CDH4: variants seen among roughly 807,000 people sequenced by gnomAD.
The protein encoded by CDH4 is cadherin 4.
CDH4 carries 33 observed loss-of-function variants against 86.0 expected under a neutral mutation model. The observed-to-expected ratio is 0.38, with a 90% CI of 0.29 to 0.51. The LOEUF (loss-of-function observed/expected upper bound fraction) is 0.51, where lower values mean the gene tolerates loss of function less well. Among genes scored for constraint, CDH4 ranks in the 20% least tolerant of loss-of-function variants. CDH4 has a pLI of 0.86. For missense variants in CDH4, 1,114 were observed against 1,307.4 expected (o/e 0.85, Z 2.28); for synonymous variants, 555 against 549.4 (o/e 1.01, Z -0.14).
rs1025527528 is a variant in CDH4 at position 61,294,960 on chromosome 20, G to A, written c.169+40023G>A. ...GCCCAGGCCTCTGCCCCAAAAACAC[G>A]GCTGTGGAGCTGTTGAGGAAAAAGA... On this transcript the variant is annotated intron_variant, in intron 2 of 15. Coordinates refer to ENST00000614565, the MANE Select transcript of CDH4 (RefSeq NM_001794.5). 3.9e-5 allele frequency among the ~76,000 whole-genome samples: 6 copies of A among 152,346 alleles called. No individual in the cohort carries two copies. In the South Asian group the frequency reaches 8.3e-4, roughly 21 times the overall value.
At chr20:61,865,803 A>G (rs1983523076) in intron 6 of CDH4, among the ~76,000 whole-genome samples, 1 of 150,544 alleles carries the variant, frequency 6.6e-6, no homozygotes, top group South Asian at 2.1e-4. Flanking sequence ...TAGTTAGTGT[A>G]GATGATAGCT....
At position 61,517,499 on chromosome 20, in the gene CDH4, G is replaced by C. The variant is rs2085830392; in HGVS notation, c.170-226064G>C. ...TATGAGCCACCATGCCTGGCCTATA[G>C]ACTTTTGTGTCTGGCGGCTTTTAAG... is the stretch of plus-strand genomic sequence containing the variant. On this transcript the variant is annotated intron_variant, in intron 2 of 15. Transcript: ENST00000614565. This position sits in a 1 kb window ranked among gnomAD's most constrained non-coding sequence, Gnocchi z 6.6. Among the ~76,000 whole-genome samples, 1 of 152,170 alleles carries C rather than the reference G, an allele frequency of 6.6e-6. No homozygotes were observed. The highest frequency in any genetic ancestry group is 1.5e-5 in the Non-Finnish European group (1 of 68,032).
Position 61,794,109 on chromosome 20 carries a change from C to T in CDH4, c.576+20927C>T, listed in dbSNP as rs150500628. Among the ~76,000 whole-genome samples the T allele has an allele frequency of 9.8e-3, 1,429 of 145,470 alleles. 29 individuals carry two copies. Among genetic ancestry groups the T allele is most frequent in the African/African-American group, 0.035 (1,339 of 38,634 alleles). Reference sequence around the variant, plus strand: ...AGTGAGCCAAGATGGCGCCACTGCACTCCAGCTTGGGCAACAGAGTGAGAC... The same window carrying T: ...AGTGAGCCAAGATGGCGCCACTGCATTCCAGCTTGGGCAACAGAGTGAGAC... On this transcript the variant is annotated intron_variant, in intron 4 of 15. Coordinates refer to ENST00000614565, the MANE Select transcript of CDH4 (RefSeq NM_001794.5).
chr20:61,683,349 A>G (rs1422628634), intron 2 of CDH4, among the ~76,000 whole-genome samples: 1 of 152,244 alleles, frequency 6.6e-6, no homozygotes, highest in Non-Finnish European at 1.5e-5. Flanking sequence ...CTTCAGAGGC[A>G]GTTTCTGCTT....
intron 2 of CDH4, among the ~76,000 whole-genome samples, chr20:61,274,093 T>A (rs1433114968): frequency 2.1e-5 from 2 of 94,184 alleles, no homozygotes; most frequent in East Asian, 3.5e-4. Context: ...TGTGCAGTTT[T>A]GGGGAGTACT....
At chr20:61,932,230 G>A (rs544671570) in intron 13 of CDH4, among the ~76,000 whole-genome samples, 33 of 152,300 alleles carry the variant, frequency 2.2e-4, no homozygotes, top group Admixed American at 9.8e-4. Flanking sequence ...AGCCCCCCAT[G>A]TCCTCCCGTC....
chr20:61,622,538 G>A (rs2086787179), intron 2 of CDH4, among the ~76,000 whole-genome samples: 2 of 152,256 alleles, frequency 1.3e-5, no homozygotes, highest in South Asian at 4.1e-4. Context: ...GGGAGACAGA[G>A]GGTCCTAAAG....
At chr20:61,766,670 C>T (rs1239614092) in intron 3 of CDH4, among the ~76,000 whole-genome samples, 1 of 152,182 alleles carries the variant, frequency 6.6e-6, no homozygotes, top group Non-Finnish European at 1.5e-5. Context: ...GCTCTGTTAA[C>T]CTCGGAGCCT....
intron 5 of CDH4, among the ~76,000 whole-genome samples, chr20:61,850,707 G>A (rs1036414626): frequency 1.3e-5 from 2 of 152,252 alleles, no homozygotes; most frequent in Non-Finnish European, 2.9e-5. Flanking sequence ...GTTGCAGAAC[G>A]CTCGGAGGAC....
chr20:61,536,012 G>C (rs1429256108), intron 2 of CDH4, among the ~76,000 whole-genome samples: 2 of 152,152 alleles, frequency 1.3e-5, no homozygotes, highest in African/African-American at 4.8e-5. Flanking sequence ...CACACTGCCT[G>C]CTTCCACTCT....
Position 61,936,766 on chromosome 20 carries a change from G to T in CDH4, c.2574G>T (p.Thr858=), listed in dbSNP as rs768466529. 4 of 1,605,986 alleles carry T rather than the reference G, an allele frequency of 2.5e-6. No individual in the cohort carries two copies. Among genetic ancestry groups the T allele is most frequent in the Non-Finnish European group, 3.4e-6 (4 of 1,177,224 alleles). Residue 858 remains threonine (T), a synonymous_variant, in exon 16 of 16, where the codon ACG becomes ACT. Coordinates refer to ENST00000614565, the MANE Select transcript of CDH4 (RefSeq NM_001794.5). ...TCCGCGCTGCTGACAACGACCCCAC[G>T]GCACCCCCCTATGACTCCCTGCTGG... The part of the protein sequence containing the change: ...EGLRAADNDP[T]APPYDSLLVF...
At chr20:61,831,713 C>T (rs1466398823) in intron 4 of CDH4, among the ~76,000 whole-genome samples, 1 of 152,250 alleles carries the variant, frequency 6.6e-6, no homozygotes, top group African/African-American at 2.4e-5. Context: ...CCTCCAGGCT[C>T]CTGGGCGGGG....
chr20:61,371,543 T>A (rs907280123), intron 2 of CDH4, among the ~76,000 whole-genome samples: 12 of 152,226 alleles, frequency 7.9e-5, no homozygotes, highest in Non-Finnish European at 1.0e-4. Flanking sequence ...AGACAGCTCG[T>A]TTTTCTTCCT....
intron 4 of CDH4, among the ~76,000 whole-genome samples, chr20:61,826,552 G>T (rs968367195): frequency 6.6e-6 from 1 of 152,206 alleles, no homozygotes; most frequent in Non-Finnish European, 1.5e-5. Flanking sequence ...AAGCTAGGGC[G>T]GTGATGGGGG....
intron 2 of CDH4, among the ~76,000 whole-genome samples, chr20:61,647,553 C>T (rs1487903408): frequency 1.8e-5 from 2 of 112,438 alleles, no homozygotes; most frequent in Non-Finnish European, 4.1e-5. Flanking sequence ...CTCCCTCTCC[C>T]TCTCCCTCTC....
intron 8 of CDH4, 21 bp downstream of exon 8, chr20:61,895,068 CA>C: frequency 6.2e-7 from 1 of 1,611,766 alleles, no homozygotes; most frequent in Non-Finnish European, 8.5e-7. Flanking sequence ...CGAAGCTGCC[CA>C]GTGACGCATG....
intron 2 of CDH4, among the ~76,000 whole-genome samples, chr20:61,581,493 C>T (rs373726146): frequency 6.6e-6 from 1 of 152,054 alleles, no homozygotes; most frequent in Admixed American, 6.6e-5. Flanking sequence ...AGGCGGCCTG[C>T]TCTGGTCCCT....
intron 9 of CDH4, among the ~76,000 whole-genome samples, chr20:61,915,439 C>T (rs969249189): frequency 1.3e-5 from 2 of 152,194 alleles, no homozygotes; most frequent in Non-Finnish European, 2.9e-5. Flanking sequence ...AGGAGGGGTC[C>T]AAGGCCTCCT....
intron 2 of CDH4, among the ~76,000 whole-genome samples, chr20:61,625,432 G>A (rs1470748151): frequency 6.6e-6 from 1 of 152,088 alleles, no homozygotes; most frequent in Non-Finnish European, 1.5e-5. Context: ...GGCGTCCACA[G>A]TTTTGAGCAG....
Sources: allele counts gnomAD v4.1 joint callset (sites outside exome capture counted in the v4.1 genomes callset), GRCh38; gene constraint gnomAD v4.1.1; non-coding constraint Gnocchi (gnomAD v3.1); transcripts MANE v1.5; gene names NCBI Gene and HGNC (gene_info 2026-07-23, HGNC 2026-07-21).